The following AHCYL2 variants were observed in gnomAD, a reference collection of about 807,000 sequenced individuals.
AHCYL2 encodes the protein adenosylhomocysteinase like 2.
A neutral mutation model predicts 81.4 loss-of-function variants in AHCYL2; 28 were observed. The ratio of observed to expected loss-of-function variants is 0.34; its 90% confidence interval spans 0.25 to 0.47. The LOEUF is 0.47. Among genes scored for constraint, AHCYL2 ranks in the 20% least tolerant of loss-of-function variants. The pLI is 1.00. For missense variants in AHCYL2, 551 were observed against 785.1 expected (o/e 0.70, Z 3.56); for synonymous variants, 272 against 290.2 (o/e 0.94, Z 0.64).
chr7:129,364,978 A>G (rs749541135), intron 1 of AHCYL2, among the ~76,000 whole-genome samples: 1 of 152,244 alleles, frequency 6.6e-6, no homozygotes, highest in Non-Finnish European at 1.5e-5. Flanking sequence ...TGAGTATGCA[A>G]GTTGCCCCCA....
intron 1 of AHCYL2, among the ~76,000 whole-genome samples, chr7:129,274,890 A>G (rs954732799): frequency 6.6e-6 from 1 of 152,142 alleles, no homozygotes; most frequent in Non-Finnish European, 1.5e-5. Flanking sequence ...TTTCAGACTT[A>G]TGGCACATGT....
At chr7:129,352,021 T>C (rs1793583347) in intron 1 of AHCYL2, among the ~76,000 whole-genome samples, 1 of 137,834 alleles carries the variant, frequency 7.3e-6, no homozygotes, top group African/African-American at 2.7e-5. Flanking sequence ...TTAGTTTTAT[T>C]AAATATCAAT....
chr7:129,331,870 T>A (rs74847473), intron 1 of AHCYL2, among the ~76,000 whole-genome samples: 11,112 of 150,170 alleles, frequency 0.074, 1,241 homozygotes, highest in African/African-American at 0.25. Flanking sequence ...AATTAAAAAA[T>A]ATATATATAT....
intron 2 of AHCYL2, among the ~76,000 whole-genome samples, chr7:129,380,108 C>T (rs1211153628): frequency 2.0e-5 from 3 of 149,664 alleles, no homozygotes; most frequent in African/African-American, 7.4e-5. Context: ...AAAAGAAATT[C>T]TTCATCCCTC....
intron 1 of AHCYL2, among the ~76,000 whole-genome samples, chr7:129,251,089 A>G (rs1795231611): frequency 6.6e-6 from 1 of 152,196 alleles, no homozygotes; most frequent in Non-Finnish European, 1.5e-5. Flanking sequence ...GTGTTTTTAA[A>G]TAGATGTAGT....
rs76231485 is a variant in AHCYL2, at chr7:129,272,032, C to T, written c.363+46593C>T. 5.1e-3 allele frequency among the ~76,000 whole-genome samples: 782 copies of T among 152,312 alleles called. 11 individuals carry two copies. Among genetic ancestry groups the T allele is most frequent in the African/African-American group, 0.018 (748 of 41,568 alleles). On this transcript the variant is annotated intron_variant, in intron 1 of 16. Coordinates refer to ENST00000325006, the MANE Select transcript of AHCYL2 (RefSeq NM_015328.4). ...GGCAGAGATAACATTCTGGGACTTT[C>T]AAGGCCAGGTCATGAAAAGTTTTGC...
chr7:129,299,961 A>G (rs1337638881), intron 1 of AHCYL2, among the ~76,000 whole-genome samples: 1 of 152,184 alleles, frequency 6.6e-6, no homozygotes, highest in African/African-American at 2.4e-5. Context: ...TGGAAATTTT[A>G]TACATACAGG....
chr7:129,400,079 T>C (rs1795955671), intron 5 of AHCYL2, among the ~76,000 whole-genome samples: 1 of 152,112 alleles, frequency 6.6e-6, no homozygotes, highest in Admixed American at 6.6e-5. Context: ...CTGCTTGTCC[T>C]CCTTGGGCTA....
intron 1 of AHCYL2, among the ~76,000 whole-genome samples, chr7:129,340,503 A>G (rs996557571): frequency 7.3e-5 from 11 of 150,374 alleles, no homozygotes; most frequent in Admixed American, 2.0e-4. Context: ...GGGAGGCGGA[A>G]CTTGCAGTGA....
chr7:129,424,759 C>A (rs1299408103), intron 13 of AHCYL2, 115 bp from the exon 14 acceptor site: 1 of 1,067,584 alleles, frequency 9.4e-7, no homozygotes, highest in Non-Finnish European at 1.4e-6. Flanking sequence ...GCTTTTTTTC[C>A]AGCAGTGTTA....
intron 1 of AHCYL2, among the ~76,000 whole-genome samples, chr7:129,360,119 AT>A (rs71162596): frequency 0.35 from 49,854 of 141,790 alleles, 8,905 homozygotes; most frequent in African/African-American, 0.5. Context: ...TTTAATTTTA[AT>A]TTTTTTTTTT....
At chr7:129,410,304 G>C in intron 11 of AHCYL2, 1 of 1,614,032 alleles carries the variant, frequency 6.2e-7, no homozygotes, top group African/African-American at 1.3e-5. Flanking sequence ...AGGTCCTTTC[G>C]AATGTTCTCA....
At chr7:129,292,450 AG>A (rs779118444) in intron 1 of AHCYL2, among the ~76,000 whole-genome samples, 5 of 152,292 alleles carry the variant, frequency 3.3e-5, no homozygotes, top group Non-Finnish European at 5.9e-5. Flanking sequence ...CACTCAGTAA[AG>A]TTAAATGTGA....
rs1797036505 is a variant in AHCYL2 at position 129,419,934 on chromosome 7, G to A, written c.1462-2906G>A. On this transcript the variant is annotated intron_variant, in intron 12 of 16. Coordinates refer to ENST00000325006, the MANE Select transcript of AHCYL2 (RefSeq NM_015328.4). This position sits in a 1 kb window ranked among gnomAD's most constrained non-coding sequence, Gnocchi z 4.7. ...AAGACAACTGGATGTTTTTAAGAGA[G>A]ATTCTTGTCAAGTTGTGCCAGCCGT... 6.6e-6 allele frequency among the ~76,000 whole-genome samples: 1 copy of A among 152,238 alleles called. No individual in the cohort carries two copies. Among genetic ancestry groups the A allele is most frequent in the African/African-American group, 2.4e-5 (1 of 41,544 alleles).
In AHCYL2 at chr7:129,382,688, C is replaced by A. The variant is rs533242596; in HGVS notation, c.475+2939C>A. ...TGGGAGGCTGAGGTCGGCGAATCACCTGAGGCCGGGGGTTCGAGACCAGCC... is the reference window on the plus strand; with the variant it reads ...TGGGAGGCTGAGGTCGGCGAATCACATGAGGCCGGGGGTTCGAGACCAGCC... On this transcript the variant is annotated intron_variant, in intron 2 of 16. Coordinates refer to ENST00000325006, the MANE Select transcript of AHCYL2 (RefSeq NM_015328.4). Among the ~76,000 whole-genome samples the A allele has an allele frequency of 2.0e-4, 31 of 152,164 alleles. No individual in the cohort carries two copies. The South Asian group carries it at 6.4e-3, about 32-fold the overall frequency.
intron 1 of AHCYL2, among the ~76,000 whole-genome samples, chr7:129,247,617 C>G (rs909050436): frequency 1.3e-5 from 2 of 151,126 alleles, no homozygotes; most frequent in South Asian, 2.1e-4. Context: ...TTTTTTCCCC[C>G]CAAGACAAGG....
At chr7:129,365,148 T>C (rs1306091714) in intron 1 of AHCYL2, among the ~76,000 whole-genome samples, 1 of 152,178 alleles carries the variant, frequency 6.6e-6, no homozygotes, top group African/African-American at 2.4e-5. Flanking sequence ...GGAACTATAA[T>C]TTGAGGAATG....
intron 1 of AHCYL2, among the ~76,000 whole-genome samples, chr7:129,331,715 ACCTGTAGT>A (rs1282719799): frequency 6.6e-6 from 1 of 150,932 alleles, no homozygotes; most frequent in Non-Finnish European, 1.5e-5. Context: ...GGTAGCACAC[ACCTGTAGT>A]CCTAGCTACT....
At chr7:129,395,902 T>C (rs1278669319) in intron 4 of AHCYL2, among the ~76,000 whole-genome samples, 4 of 152,198 alleles carry the variant, frequency 2.6e-5, no homozygotes, top group Non-Finnish European at 5.9e-5. Context: ...TATTTTCTTA[T>C]TCTTATCTGT....
Sources: gnomAD v4.1 joint callset for allele counts (sites outside exome capture counted in the v4.1 genomes callset) on GRCh38, gnomAD v4.1.1 for gene constraint, Gnocchi (gnomAD v3.1) non-coding constraint, MANE v1.5 for transcripts, NCBI Gene and HGNC (gene_info 2026-07-23, HGNC 2026-07-21) for gene names.